Variants in SLC25A11 observed in about 807,000 individuals in gnomAD.
The protein encoded by SLC25A11 is solute carrier family 25 member 11, also known as mitochondrial 2-oxoglutarate/malate carrier protein.
SLC25A11 carries 11 observed loss-of-function variants against 32.7 expected under a neutral mutation model. The observed-to-expected ratio is 0.34, with a 90% CI of 0.21 to 0.56. The LOEUF (loss-of-function observed/expected upper bound fraction) is 0.56, where lower values mean the gene tolerates loss of function less well. SLC25A11 is among the 20% of genes least tolerant of loss of function. The pLI is 0.90. For synonymous variants in SLC25A11, 163 were observed against 168.3 expected (o/e 0.97, Z 0.24); for missense variants, 295 against 426.3 (o/e 0.69, Z 2.71).
In SLC25A11 at chr17:4,939,132, C is replaced by A; in HGVS notation, c.176G>T (p.Arg59Leu). Reference sequence around the variant, plus strand: ...GGCATGGAAGCTGGTTTTGTACTCTCGAGTCTTGGCCCCTTCCCCGCTCAA... The same window carrying A: ...GGCATGGAAGCTGGTTTTGTACTCTAGAGTCTTGGCCCCTTCCCCGCTCAA... ...MQLSGEGAKTREYKTSFHALT... is the reference protein window; with the variant it reads ...MQLSGEGAKTLEYKTSFHALT... Residue 59 changes from arginine to leucine, a missense_variant, in exon 2 of 8, where the codon CGA becomes CTA. Physicochemically the swap from Arg to Leu is moderately radical, Grantham distance 102 (BLOSUM62 -2). This residue lies in a region of SLC25A11 where 104 missense variants were observed against 121.5 expected (regional missense o/e 0.86). Coordinates refer to ENST00000225665, the MANE Select transcript of SLC25A11 (RefSeq NM_003562.5). The surrounding 1 kb of genome is among the most constrained non-coding windows in gnomAD (Gnocchi z 4.1). The A allele has an allele frequency of 6.2e-7, 1 of 1,614,188 alleles. No individual in the cohort carries two copies. The highest frequency in any genetic ancestry group is 1.1e-5 in the South Asian group (1 of 91,082).
At position 4,939,307 on chromosome 17, in the gene SLC25A11, C is replaced by T. The variant is rs1423278804; in HGVS notation, c.96-95G>A. On this transcript the variant is annotated intron_variant, in intron 1 of 7. Transcript: ENST00000225665. The surrounding 1 kb of genome is among the most constrained non-coding windows in gnomAD (Gnocchi z 4.1). ...AGCAAGAGGTTACAAAGGTCAGGGC[C>T]TGCCATGCGATTCAAGAATCAGGAT... The T allele has an allele frequency of 1.1e-5, 15 of 1,345,390 alleles. No individual in the cohort carries two copies. The Admixed American group carries it at 3.3e-4, about 30-fold the overall frequency. 83.3% of individuals were successfully genotyped at this position (1,345,390 alleles called of 1,614,324 possible).
rs1597645776 is a variant in SLC25A11, at chr17:4,938,441, G to A, written c.547-12C>T. 6.2e-7 allele frequency: 1 copy of A among 1,614,142 alleles called. No individual in the cohort carries two copies. On this transcript the variant is annotated splice_polypyrimidine_tract_variant and intron_variant, in intron 4 of 7. Coordinates refer to ENST00000225665, the MANE Select transcript of SLC25A11 (RefSeq NM_003562.5). This position sits in a 1 kb window ranked among gnomAD's most constrained non-coding sequence, Gnocchi z 7.6. ...GTAGGGATGCAGCCCTGGAGGGAGGGGAGCGGGGAAGAGTCAGAAACCCCT... is the reference window on the plus strand; with the variant it reads ...GTAGGGATGCAGCCCTGGAGGGAGGAGAGCGGGGAAGAGTCAGAAACCCCT...
chr17:4,939,942 G>C lies in SLC25A11; in HGVS notation c.-32C>G. ...TCAATGGCCCTCGGCTCCGGGTCCC[G>C]TGCGCGCGCGGCCCCGCTCGCGCCC... On this transcript the variant is annotated 5_prime_UTR_variant, in exon 1 of 8. Coordinates refer to ENST00000225665, the MANE Select transcript of SLC25A11 (RefSeq NM_003562.5). This position sits in a 1 kb window ranked among gnomAD's most constrained non-coding sequence, Gnocchi z 4.1. 1 of 1,559,694 alleles carries C rather than the reference G, an allele frequency of 6.4e-7. No individual in the cohort carries two copies. The highest frequency in any genetic ancestry group is 1.4e-5 in the African/African-American group (1 of 71,918).
Position 4,939,017 on chromosome 17 carries a change from G to A in SLC25A11, c.249-42C>T. 6.2e-7 allele frequency: 1 copy of A among 1,614,180 alleles called. No individual in the cohort carries two copies. The highest frequency in any genetic ancestry group is 8.5e-7 in the Non-Finnish European group (1 of 1,180,002). On this transcript the variant is annotated intron_variant, in intron 2 of 7. Transcript: ENST00000225665. The surrounding 1 kb of genome is among the most constrained non-coding windows in gnomAD (Gnocchi z 4.1). Reference sequence around the variant, plus strand: ...TCAGCATATCAGGCCAAGGTCTAGAGCTGCCAACCCACAGTCTACCCTCCA... The same window carrying A: ...TCAGCATATCAGGCCAAGGTCTAGAACTGCCAACCCACAGTCTACCCTCCA...
In SLC25A11 at chr17:4,939,074, C is replaced by T. The variant is rs770862184; in HGVS notation, c.234G>A (p.Arg78=). 1.7e-5 allele frequency: 28 copies of T among 1,614,092 alleles called. No individual in the cohort carries two copies. In the Admixed American group the frequency reaches 3.5e-4, roughly 20 times the overall value. The part of the protein sequence containing the change: ...LTSILKAEGL[R]GIYTGLSAGL... Reference sequence around the variant, plus strand: ...GGCCCCAATACCCAGTGTAAATGCCCCTCAGGCCTTCTGCCTTCAGGATAC... The same window carrying T: ...GGCCCCAATACCCAGTGTAAATGCCTCTCAGGCCTTCTGCCTTCAGGATAC... The change falls in exon 2 of 8, where the codon AGG becomes AGA. Residue 78 remains arginine (R), a synonymous_variant. Transcript: ENST00000225665. This position sits in a 1 kb window ranked among gnomAD's most constrained non-coding sequence, Gnocchi z 4.1.
At position 4,937,617 on chromosome 17, in the gene SLC25A11, T is replaced by A; in HGVS notation, c.*124A>T. 8.4e-7 allele frequency: 1 copy of A among 1,186,638 alleles called. No individual in the cohort carries two copies. The highest frequency in any genetic ancestry group is 1.6e-5 in the South Asian group (1 of 63,944). The allele number at this position is 1,186,638 out of a possible 1,614,324, so 73.5% of individuals were successfully genotyped here. On this transcript the variant is annotated 3_prime_UTR_variant, in exon 8 of 8. Coordinates refer to ENST00000225665, the MANE Select transcript of SLC25A11 (RefSeq NM_003562.5). ...AGGGGGTAGAACAGACCAAGTCCTT[T>A]ACCGCAGAGGAAGAAACCACACTGT...
At position 4,938,818 on chromosome 17, in the gene SLC25A11, C is replaced by T; in HGVS notation, c.406G>A (p.Val136Met). ...GMTAGATGAF[V>M]GTPAEVALIR... is the part of the protein sequence containing the mutation. ...AGAGCCACTTCGGCTGGTGTTCCCA[C>T]AAAGGCACCAGTGGCACCTGCGGTC... is the stretch of plus-strand genomic sequence containing the variant. The change falls in exon 3 of 8, where the codon GTG becomes ATG. Residue 136 changes from valine to methionine, a missense_variant. By Grantham distance (21) the Val-to-Met change is conservative. Transcript: ENST00000225665. This position sits in a 1 kb window ranked among gnomAD's most constrained non-coding sequence, Gnocchi z 7.6. 1 of 1,613,912 alleles carries T rather than the reference C, an allele frequency of 6.2e-7. No individual in the cohort carries two copies. Among genetic ancestry groups the T allele is most frequent in the African/African-American group, 1.3e-5 (1 of 75,052 alleles).
Position 4,937,742 on chromosome 17 carries a change from C to T in SLC25A11, c.944G>A (p.Ter315=). The change falls in exon 8 of 8, where the codon TGA becomes TAA. Residue 315 remains the stop codon, a stop_retained_variant. Coordinates refer to ENST00000225665, the MANE Select transcript of SLC25A11 (RefSeq NM_003562.5). ...KAYKRLFLSG[*] is the part of the protein sequence containing the mutation. ...GGCGAGTGGGAGCCCCCGGCCGCTT[C>T]AGCCACTGAGGAAGAGACGCTTGTA... The T allele has an allele frequency of 6.2e-7, 1 of 1,605,556 alleles. No homozygotes were observed. The highest frequency in any genetic ancestry group is 8.5e-7 in the Non-Finnish European group (1 of 1,175,940).
In SLC25A11 at chr17:4,937,852, C is replaced by T; in HGVS notation, c.834G>A (p.Leu278=). The change falls in exon 8 of 8, where the codon CTG becomes CTA. Residue 278 remains leucine (L), a synonymous_variant. Coordinates refer to ENST00000225665, the MANE Select transcript of SLC25A11 (RefSeq NM_003562.5). The part of the protein sequence containing the change: ...KVVRYEGFFS[L]WKGFTPYYAR... ...CATAGTACGGCGTGAAGCCCTTCCA[C>T]AGGCTGAAGAAGCCCTCGTAGCGGA... 1.2e-6 allele frequency: 2 copies of T among 1,614,124 alleles called. No individual in the cohort carries two copies. The highest frequency in any genetic ancestry group is 1.7e-6 in the Non-Finnish European group (2 of 1,179,976).
chr17:4,938,992 T>A lies in SLC25A11; in HGVS notation c.249-17A>T. On this transcript the variant is annotated splice_polypyrimidine_tract_variant and intron_variant, in intron 2 of 7. Transcript: ENST00000225665. This position sits in a 1 kb window ranked among gnomAD's most constrained non-coding sequence, Gnocchi z 7.6. ...GCCGACAGCCTGAGGAGCAGAGGGG[T>A]CAGCATATCAGGCCAAGGTCTAGAG... 1 of 1,613,974 alleles carries A rather than the reference T, an allele frequency of 6.2e-7. No homozygotes were observed. The highest frequency in any genetic ancestry group is 8.5e-7 in the Non-Finnish European group (1 of 1,179,966).
At position 4,939,346 on chromosome 17, in the gene SLC25A11, T is replaced by C; in HGVS notation, c.96-134A>G. On this transcript the variant is annotated intron_variant, in intron 1 of 7. Transcript: ENST00000225665. The surrounding 1 kb of genome is among the most constrained non-coding windows in gnomAD (Gnocchi z 4.1). ...AAGAATCAGGATGCTGGTGAGCATGTGTATAAGAGTCTATATGTACACCAA... is the reference window on the plus strand; with the variant it reads ...AAGAATCAGGATGCTGGTGAGCATGCGTATAAGAGTCTATATGTACACCAA... The C allele has an allele frequency of 1.0e-6, 1 of 995,182 alleles. No individual in the cohort carries two copies. The highest frequency in any genetic ancestry group is 2.6e-5 in the East Asian group (1 of 38,060). The allele number at this position is 995,182 out of a possible 1,614,324, so 61.6% of individuals were successfully genotyped here. A position where few individuals can be genotyped will look rare whatever the true frequency, so the allele number is the denominator to read the frequency against.
At position 4,937,777 on chromosome 17, in the gene SLC25A11, C is replaced by T; in HGVS notation, c.909G>A (p.Met303Ile). The T allele has an allele frequency of 1.2e-6, 2 of 1,613,212 alleles. No homozygotes were observed. The highest frequency in any genetic ancestry group is 1.7e-6 in the Non-Finnish European group (2 of 1,179,702). The change falls in exon 8 of 8, where the codon ATG becomes ATA. Residue 303 changes from methionine (M) to isoleucine (I), a missense_variant. Met to Ile is a conservative substitution (Grantham distance 10). Around this residue, in one of 3 missense-constraint regions of SLC25A11, gnomAD observed 142 missense variants for 197.8 expected, o/e 0.72. Coordinates refer to ENST00000225665, the MANE Select transcript of SLC25A11 (RefSeq NM_003562.5). ...TVLTFIFLEQ[M>I]NKAYKRLFLS... ...GGAAGAGACGCTTGTAGGCCTTGTTCATCTGCTCCAAGAAGATGAAGGTGA... is the reference window on the plus strand; with the variant it reads ...GGAAGAGACGCTTGTAGGCCTTGTTTATCTGCTCCAAGAAGATGAAGGTGA...
rs1012780424 is a variant in SLC25A11, at chr17:4,937,621, G to A, written c.*120C>T. On this transcript the variant is annotated 3_prime_UTR_variant, in exon 8 of 8. Transcript: ENST00000225665. ...GGTAGAACAGACCAAGTCCTTTACC[G>A]CAGAGGAAGAAACCACACTGTGGAA... is the stretch of plus-strand genomic sequence containing the variant. 1.1e-5 allele frequency: 14 copies of A among 1,228,538 alleles called. No individual in the cohort carries two copies. Among genetic ancestry groups the A allele is most frequent in the Admixed American group, 2.4e-5 (1 of 41,836 alleles). 76.1% of individuals were successfully genotyped at this position (1,228,538 alleles called of 1,614,324 possible).
rs1254863808 is a variant in SLC25A11 at position 4,938,838 on chromosome 17, G to A, written c.386C>T (p.Ala129Val). The change falls in exon 3 of 8, where the codon GCA (alanine) becomes GTA (valine). Residue 129 changes from alanine to valine, a missense_variant. Around this residue, in one of 3 missense-constraint regions of SLC25A11, gnomAD observed 49 missense variants for 106.9 expected, o/e 0.46. Transcript: ENST00000225665. The surrounding 1 kb of genome is among the most constrained non-coding windows in gnomAD (Gnocchi z 7.6). ...FLLKAVIGMT[A>V]GATGAFVGTP... Reference sequence around the variant, plus strand: ...TCCCACAAAGGCACCAGTGGCACCTGCGGTCATGCCAATCACAGCCTTCAG... The same window carrying A: ...TCCCACAAAGGCACCAGTGGCACCTACGGTCATGCCAATCACAGCCTTCAG... 1 of 1,614,062 alleles carries A rather than the reference G, an allele frequency of 6.2e-7. No homozygotes were observed. The highest frequency in any genetic ancestry group is 1.3e-5 in the African/African-American group (1 of 74,936).
chr17:4,937,866 C>G lies in SLC25A11; in HGVS notation c.820G>C (p.Gly274Arg). 1 of 1,613,896 alleles carries G rather than the reference C, an allele frequency of 6.2e-7. No homozygotes were observed. Among genetic ancestry groups the G allele is most frequent in the Non-Finnish European group, 8.5e-7 (1 of 1,179,874 alleles). ...DVLFKVVRYEGFFSLWKGFTP... is the reference protein window; with the variant it reads ...DVLFKVVRYERFFSLWKGFTP... Reference sequence around the variant, plus strand: ...AAGCCCTTCCACAGGCTGAAGAAGCCCTCGTAGCGGACAACTTTGAACAGC... The same window carrying G: ...AAGCCCTTCCACAGGCTGAAGAAGCGCTCGTAGCGGACAACTTTGAACAGC... The change falls in exon 8 of 8, where the codon GGC becomes CGC. Residue 274 changes from glycine to arginine, a missense_variant. Transcript: ENST00000225665.
chr17:4,939,468 C>T lies in SLC25A11; in HGVS notation c.96-256G>A, dbSNP rs1454978207. Reference sequence around the variant, plus strand: ...ACAGTCAAGCAGTGACCTGGGGCTGCACGCAGTCCGACACAGGGAGGGGAG... The same window carrying T: ...ACAGTCAAGCAGTGACCTGGGGCTGTACGCAGTCCGACACAGGGAGGGGAG... On this transcript the variant is annotated intron_variant, in intron 1 of 7. Coordinates refer to ENST00000225665, the MANE Select transcript of SLC25A11 (RefSeq NM_003562.5). This position sits in a 1 kb window ranked among gnomAD's most constrained non-coding sequence, Gnocchi z 4.1. 1 of 580,960 alleles carries T rather than the reference C, an allele frequency of 1.7e-6. No individual in the cohort carries two copies. The highest frequency in any genetic ancestry group is 3.0e-6 in the Non-Finnish European group (1 of 328,220). The allele number at this position is 580,960 out of a possible 1,614,324, so 36.0% of individuals were successfully genotyped here.
rs755862496 is a variant in SLC25A11, at chr17:4,938,200, G to A, written c.691C>T (p.Leu231Phe). The change falls in exon 6 of 8, where the codon CTT becomes TTT. Residue 231 changes from leucine to phenylalanine, a missense_variant. Physicochemically the swap from Leu to Phe is conservative, Grantham distance 22 (BLOSUM62 0). Transcript: ENST00000225665. The surrounding 1 kb of genome is among the most constrained non-coding windows in gnomAD (Gnocchi z 7.6). ...CHFCASMISG[L>F]VTTAASMPVD... ...GGCATGGAGGCAGCAGTGGTGACAA[G>A]ACCGCTGATCATGCTGGCACAGAAG... 1.9e-6 allele frequency: 3 copies of A among 1,614,156 alleles called. No individual in the cohort carries two copies. The highest frequency in any genetic ancestry group is 1.1e-5 in the South Asian group (1 of 91,090).
rs750205486 is a variant in SLC25A11 at position 4,939,805 on chromosome 17, C to A, written c.95+11G>T. The A allele has an allele frequency of 1.7e-5, 27 of 1,607,490 alleles. No homozygotes were observed. The highest frequency in any genetic ancestry group is 2.1e-5 in the Non-Finnish European group (25 of 1,175,976). ...TCCTCCTCTTTTCCCATCCCTGGGG[C>A]CTGAGCTTACCCGGCCAGGCCCCCA... On this transcript the variant is annotated intron_variant, in intron 1 of 7. Transcript: ENST00000225665. The surrounding 1 kb of genome is among the most constrained non-coding windows in gnomAD (Gnocchi z 4.1).
rs1597650180 is a variant in SLC25A11 at position 4,939,736 on chromosome 17, C to A, written c.95+80G>T. 3.5e-6 allele frequency: 4 copies of A among 1,140,674 alleles called. No homozygotes were observed. The highest frequency in any genetic ancestry group is 2.5e-5 in the East Asian group (1 of 39,706). 70.7% of individuals were successfully genotyped at this position (1,140,674 alleles called of 1,614,324 possible). ...CCCGTGCCGGCACAGTTCACTGCAA[C>A]AGACCCAGAGATGAACCGGGCCCGG... On this transcript the variant is annotated intron_variant, in intron 1 of 7. Transcript: ENST00000225665. The surrounding 1 kb of genome is among the most constrained non-coding windows in gnomAD (Gnocchi z 4.1).
Sources: gnomAD v4.1 joint callset for allele counts on GRCh38, gnomAD v4.1.1 for gene constraint, gnomAD v4.1.1 regional missense constraint, Gnocchi (gnomAD v3.1) non-coding constraint, MANE v1.5 for transcripts, NCBI Gene and HGNC (gene_info 2026-07-23, HGNC 2026-07-21) for gene names.